Variants in FILIP1 observed in about 807,000 individuals in gnomAD.
The protein encoded by FILIP1 is filamin A interacting protein 1.
FILIP1 carries 61 observed loss-of-function variants against 102.1 expected under a neutral mutation model. The observed-to-expected ratio is 0.60, with a 90% CI of 0.49 to 0.74. The LOEUF is 0.74. FILIP1 is among the 30% of genes least tolerant of loss of function. The pLI is 0.00. For synonymous variants in FILIP1, 491 were observed against 526.9 expected, an observed-to-expected ratio of 0.93 and a Z score of 0.93; for missense variants, 1,314 against 1,441.2, an observed-to-expected ratio of 0.91 and a Z score of 1.43.
chr6:75,321,657 G>A (rs1322730934), intron 4 of FILIP1, among the ~76,000 whole-genome samples: 2 of 152,148 alleles, frequency 1.3e-5, no homozygotes, highest in African/African-American at 4.8e-5. Flanking sequence ...AGCCGGGCGC[G>A]GTGGCGGGCG....
chr6:75,433,376 G>C (rs1777894717), intron 1 of FILIP1, among the ~76,000 whole-genome samples: 2 of 152,086 alleles, frequency 1.3e-5, no homozygotes, highest in Non-Finnish European at 2.9e-5. Flanking sequence ...ATTCTAACTG[G>C]TGTGAGATGG....
At chr6:75,382,837 T>C (rs1319678005) in intron 2 of FILIP1, among the ~76,000 whole-genome samples, 1 of 152,074 alleles carries the variant, frequency 6.6e-6, no homozygotes, top group African/African-American at 2.4e-5. Flanking sequence ...GGCAGAAAAA[T>C]GAGATCTCAA....
intron 6 of FILIP1, among the ~76,000 whole-genome samples, chr6:75,299,063 T>C (rs1037872698): frequency 2.8e-4 from 43 of 151,592 alleles, no homozygotes; most frequent in Admixed American, 1.3e-4. Flanking sequence ...TTAATGCCAT[T>C]ATTTGTGTAA....
chr6:75,486,386 T>C (rs1264087411), intron 1 of FILIP1, among the ~76,000 whole-genome samples: 1 of 152,186 alleles, frequency 6.6e-6, no homozygotes, highest in African/African-American at 2.4e-5. Flanking sequence ...CTACTGGCCA[T>C]TGAAGCTTCT....
At chr6:75,463,469 A>T (rs1336926690) in intron 1 of FILIP1, among the ~76,000 whole-genome samples, 2 of 152,228 alleles carry the variant, frequency 1.3e-5, no homozygotes, top group African/African-American at 4.8e-5. Flanking sequence ...TCTTTTACAT[A>T]AATATCCAGT....
intron 4 of FILIP1, among the ~76,000 whole-genome samples, chr6:75,351,412 AT>A (rs780349620): frequency 1.7e-4 from 26 of 152,306 alleles, no homozygotes; most frequent in Middle Eastern, 3.4e-3. Flanking sequence ...TACACTTAAT[AT>A]TTTATTTCAT....
Position 75,313,376 on chromosome 6 carries a change from G to T in FILIP1, c.2456C>A (p.Thr819Lys). 1 of 1,614,138 alleles carries T rather than the reference G, an allele frequency of 6.2e-7. No individual in the cohort carries two copies. Among genetic ancestry groups the T allele is most frequent in the Non-Finnish European group, 8.5e-7 (1 of 1,180,022 alleles). Residue 819 changes from threonine (T) to lysine (K), a missense_variant, in exon 5 of 6, where the codon ACG becomes AAG. Thr to Lys is a moderately conservative substitution (Grantham distance 78, BLOSUM62 -1). Around this residue, in one of 3 missense-constraint regions of FILIP1, gnomAD observed 816 missense variants for 913.1 expected, o/e 0.89. Transcript: ENST00000237172. This position sits in a 1 kb window ranked among gnomAD's most constrained non-coding sequence, Gnocchi z 4.2. Reference sequence around the variant, plus strand: ...GGATTTCCGTATGAATACAGCTGGCGTTTCTTCCTCTGCTGCTTCACCGCT... The same window carrying T: ...GGATTTCCGTATGAATACAGCTGGCTTTTCTTCCTCTGCTGCTTCACCGCT... Reference protein sequence around the residue: ...AVSGEAAEEETPAVFIRKSFQ... With the variant: ...AVSGEAAEEEKPAVFIRKSFQ...
At chr6:75,452,509 T>C (rs1778668704) in intron 1 of FILIP1, among the ~76,000 whole-genome samples, 1 of 152,220 alleles carries the variant, frequency 6.6e-6, no homozygotes, top group African/African-American at 2.4e-5. Flanking sequence ...AGTCTATCAT[T>C]GTTGGACATT....
At chr6:75,351,568 T>C (rs771753315) in intron 4 of FILIP1, among the ~76,000 whole-genome samples, 2 of 152,212 alleles carry the variant, frequency 1.3e-5, no homozygotes, top group Non-Finnish European at 2.9e-5. Context: ...ACCTTTGATA[T>C]GTTTAGATAC....
At chr6:75,331,243 T>C (rs1056607344) in intron 4 of FILIP1, among the ~76,000 whole-genome samples, 1 of 152,160 alleles carries the variant, frequency 6.6e-6, no homozygotes, top group African/African-American at 2.4e-5. Context: ...AATTAAAGTC[T>C]AGGGAATTGT....
Position 75,312,936 on chromosome 6 carries a change from T to G in FILIP1, c.2896A>C (p.Lys966Gln). Residue 966 changes from lysine (K) to glutamine (Q), a missense_variant, in exon 5 of 6, where the codon AAA (lysine) becomes CAA (glutamine). Lys to Gln is a moderately conservative substitution (Grantham distance 53). Around this residue, in one of 3 missense-constraint regions of FILIP1, gnomAD observed 816 missense variants for 913.1 expected, o/e 0.89. Coordinates refer to ENST00000237172, the MANE Select transcript of FILIP1 (RefSeq NM_015687.5). Reference sequence around the variant, plus strand: ...GGGCCAAGAGTAGTATCTCCACTTTTTTGTTTTTGAGGCATAACGTTTGGT... The same window carrying G: ...GGGCCAAGAGTAGTATCTCCACTTTGTTGTTTTTGAGGCATAACGTTTGGT... ...PSPNVMPQKQ[K>Q]SGDTTLGPER... 1 of 1,614,148 alleles carries G rather than the reference T, an allele frequency of 6.2e-7. No individual in the cohort carries two copies.
intron 2 of FILIP1, among the ~76,000 whole-genome samples, chr6:75,382,220 C>T (rs1014006510): frequency 1.3e-5 from 2 of 152,164 alleles, no homozygotes; most frequent in South Asian, 2.1e-4. Context: ...GGCCAGGGCA[C>T]GTGAGGCAGT....
intron 1 of FILIP1, among the ~76,000 whole-genome samples, chr6:75,484,852 A>T (rs1779740662): frequency 6.6e-6 from 1 of 152,238 alleles, no homozygotes; most frequent in African/African-American, 2.4e-5. Context: ...AGAACTAGGA[A>T]ATCTTACAGA....
intron 2 of FILIP1, among the ~76,000 whole-genome samples, chr6:75,397,213 T>C (rs1018854720): frequency 6.6e-6 from 1 of 152,072 alleles, no homozygotes; most frequent in Middle Eastern, 3.4e-3. Flanking sequence ...AAAAGACTTA[T>C]TCAGTACCCA....
chr6:75,413,545 A>C (rs772011390), intron 2 of FILIP1, among the ~76,000 whole-genome samples: 1 of 152,046 alleles, frequency 6.6e-6, no homozygotes, highest in Non-Finnish European at 1.5e-5. Context: ...CCTTATCTGT[A>C]TGCACACACA....
At chr6:75,354,836 G>T (rs1299825367) in intron 3 of FILIP1, among the ~76,000 whole-genome samples, 4 of 152,072 alleles carry the variant, frequency 2.6e-5, no homozygotes, top group African/African-American at 9.7e-5. Flanking sequence ...TTCTCCCCTG[G>T]AAAGTAATTT....
chr6:75,311,816 AT>A (rs1582318852), intron 5 of FILIP1, among the ~76,000 whole-genome samples: 2 of 152,338 alleles, frequency 1.3e-5, no homozygotes, highest in East Asian at 3.9e-4. Context: ...TATTAAATAA[AT>A]ATTTATGAAG....
intron 2 of FILIP1, among the ~76,000 whole-genome samples, chr6:75,391,242 A>G (rs1175437152): frequency 6.6e-6 from 1 of 151,968 alleles, no homozygotes; most frequent in Non-Finnish European, 1.5e-5. Context: ...TGTCATGCCC[A>G]TTCTCTCACA....
chr6:75,301,169 G>A (rs777366619), intron 6 of FILIP1, among the ~76,000 whole-genome samples: 8 of 152,204 alleles, frequency 5.3e-5, no homozygotes, highest in South Asian at 2.1e-4. Context: ...AGGTCACTGC[G>A]CTTTTTAAAT....
Sources: allele counts gnomAD v4.1 joint callset (sites outside exome capture counted in the v4.1 genomes callset), GRCh38; gene constraint gnomAD v4.1.1; regional missense constraint gnomAD v4.1.1; non-coding constraint Gnocchi (gnomAD v3.1); transcripts MANE v1.5; gene names NCBI Gene and HGNC (gene_info 2026-07-23, HGNC 2026-07-21).